Variants in SLC35F4 observed in about 807,000 individuals in gnomAD.
The protein encoded by SLC35F4 is chromosome 14 open reading frame 36.
Under a neutral mutation model 44.2 loss-of-function variants are expected in SLC35F4, and 24 were observed. The ratio of observed to expected loss-of-function variants is 0.54; its 90% CI spans 0.39 to 0.76. The LOEUF is 0.76. Ranked by LOEUF, SLC35F4 falls within the 30% of genes least tolerant of loss-of-function variation. The probability of loss-of-function intolerance (pLI) is 0.00; values close to 1 mark genes in which losing one functional copy is unlikely to be tolerated. For missense variants in SLC35F4, 562 were observed against 586.1 expected (o/e 0.96, Z 0.42); for synonymous variants, 238 against 223.6 (o/e 1.06, Z -0.57).
At chr14:57,665,683 T>C (rs2074283934) in intron 1 of SLC35F4, among the ~76,000 whole-genome samples, 2 of 152,216 alleles carry the variant, frequency 1.3e-5, no homozygotes, top group African/African-American at 2.4e-5. Context: ...TGCAGATATA[T>C]GTTCATTGCA....
intron 1 of SLC35F4, among the ~76,000 whole-genome samples, chr14:57,767,352 A>G (rs1216772820): frequency 6.6e-6 from 1 of 152,226 alleles, no homozygotes; most frequent in Non-Finnish European, 1.5e-5. Flanking sequence ...TAAAGAATTA[A>G]AATCATACAA....
At chr14:57,747,681 G>GA (rs1378109908) in intron 1 of SLC35F4, among the ~76,000 whole-genome samples, 4 of 152,086 alleles carry the variant, frequency 2.6e-5, no homozygotes, top group African/African-American at 9.7e-5. Context: ...TAAAAGATTA[G>GA]AATTCTATTC....
intron 1 of SLC35F4, among the ~76,000 whole-genome samples, chr14:57,760,550 T>C (rs2140622077): frequency 6.6e-6 from 1 of 152,356 alleles, no homozygotes; most frequent in South Asian, 2.1e-4. Flanking sequence ...TATTGTGTGC[T>C]GGATATTTTT....
intron 1 of SLC35F4, among the ~76,000 whole-genome samples, chr14:57,677,464 A>C (rs1359512338): frequency 6.6e-6 from 1 of 152,068 alleles, no homozygotes; most frequent in Non-Finnish European, 1.5e-5. Context: ...TGCATAAAGC[A>C]AGTATAGTAA....
chr14:57,877,367 T>C (rs1888419620), intron 1 of SLC35F4, among the ~76,000 whole-genome samples: 1 of 152,242 alleles, frequency 6.6e-6, no homozygotes, highest in Admixed American at 6.5e-5. Flanking sequence ...CATTCCATGA[T>C]ACATGTGTAC....
chr14:57,970,544 A>G lies in SLC35F4; in HGVS notation n.282+11369T>C, dbSNP rs1247108079. On this transcript the variant is annotated intron_variant and non_coding_transcript_variant, in intron 1 of 1. Coordinates refer to the SLC35F4 transcript ENST00000556568. ...GTTATGAATGAAGTAGAACTCATTC[A>G]TAACAGAAAACAGTTTATGAATCAA... is the stretch of plus-strand genomic sequence containing the variant. 2.6e-5 allele frequency among the ~76,000 whole-genome samples: 4 copies of G among 152,352 alleles called. No homozygotes were observed. The East Asian group carries it at 7.7e-4, about 29-fold the overall frequency.
intron 1 of SLC35F4, among the ~76,000 whole-genome samples, chr14:57,863,966 G>A (rs748341636): frequency 7.9e-5 from 12 of 152,102 alleles, no homozygotes; most frequent in Non-Finnish European, 1.6e-4. Context: ...TTATTGTGTT[G>A]CAAATGAAGC....
At chr14:57,725,943 G>A (rs2347353) in intron 1 of SLC35F4, among the ~76,000 whole-genome samples, 60,038 of 151,942 alleles carry the variant, frequency 0.4, 11,892 homozygotes, top group Middle Eastern at 0.42. Context: ...TGGCCTAGAT[G>A]TCTTACTTCC....
At position 57,571,997 on chromosome 14, in the gene SLC35F4, A is replaced by C; in HGVS notation, c.830T>G (p.Ile277Ser). 6.2e-7 allele frequency: 1 copy of C among 1,610,698 alleles called. No individual in the cohort carries two copies. The highest frequency in any genetic ancestry group is 8.5e-7 in the Non-Finnish European group (1 of 1,178,302). Residue 277 changes from isoleucine to serine, a missense_variant, in exon 5 of 8, where the codon ATT (isoleucine) becomes AGT (serine). Coordinates refer to ENST00000556826, the MANE Select transcript of SLC35F4 (RefSeq NM_001306087.2). ...GVRIVAAIMA[I>S]TGIVMMAYAD... Reference sequence around the variant, plus strand: ...ATATGCCATCATGACAATGCCGGTAATTGCCATTATTGCAGCAACTATCTG... The same window carrying C: ...ATATGCCATCATGACAATGCCGGTACTTGCCATTATTGCAGCAACTATCTG...
chr14:57,733,702 C>G (rs752042592), intron 1 of SLC35F4, among the ~76,000 whole-genome samples: 15 of 151,860 alleles, frequency 9.9e-5, no homozygotes, highest in Non-Finnish European at 1.6e-4. Flanking sequence ...TGGAAAATTT[C>G]AAACCTACGC....
chr14:57,967,549 CTG>C (rs33951063), intron 1 of SLC35F4, among the ~76,000 whole-genome samples: 3,624 of 152,216 alleles, frequency 0.024, 149 homozygotes, highest in African/African-American at 0.083. Flanking sequence ...ATAGTAGTAA[CTG>C]TGTGCCAAAT....
chr14:57,772,077 A>AT (rs1429344767), intron 1 of SLC35F4, among the ~76,000 whole-genome samples: 13 of 152,210 alleles, frequency 8.5e-5, no homozygotes, highest in African/African-American at 3.1e-4. Context: ...ATAGGAAAAC[A>AT]TATCTGTGAA....
At chr14:57,814,037 C>A (rs1882283664) in intron 1 of SLC35F4, among the ~76,000 whole-genome samples, 2 of 152,146 alleles carry the variant, frequency 1.3e-5, no homozygotes, top group Admixed American at 1.3e-4. Flanking sequence ...TCAGTCCTGG[C>A]CTGAAAAAGC....
At chr14:57,684,887 A>T (rs1044675217) in intron 1 of SLC35F4, among the ~76,000 whole-genome samples, 1 of 152,088 alleles carries the variant, frequency 6.6e-6, no homozygotes, top group Non-Finnish European at 1.5e-5. Flanking sequence ...GTTGGTAGGT[A>T]GATTGTGTAG....
intron 1 of SLC35F4, among the ~76,000 whole-genome samples, chr14:57,612,949 G>T (rs562571432): frequency 6.6e-6 from 1 of 152,328 alleles, no homozygotes. Context: ...GATGCATCAA[G>T]AGCTGCCTCA....
At chr14:57,640,066 T>C (rs1005865773) in intron 1 of SLC35F4, among the ~76,000 whole-genome samples, 1 of 152,000 alleles carries the variant, frequency 6.6e-6, no homozygotes, top group African/African-American at 2.4e-5. Flanking sequence ...TCACAACTTA[T>C]ATCCTATAAT....
chr14:57,682,199 T>C (rs2074927423), intron 1 of SLC35F4, among the ~76,000 whole-genome samples: 1 of 152,190 alleles, frequency 6.6e-6, no homozygotes, highest in Admixed American at 6.5e-5. Flanking sequence ...TGAACACGTA[T>C]GTTTATTGTG....
intron 1 of SLC35F4, among the ~76,000 whole-genome samples, chr14:57,672,809 A>C (rs1237857453): frequency 6.6e-6 from 1 of 151,872 alleles, no homozygotes. Context: ...TTAGAATAAC[A>C]AAGTTGAGTT....
intron 2 of SLC35F4, among the ~76,000 whole-genome samples, chr14:57,592,213 C>T (rs374154133): frequency 2.0e-5 from 3 of 152,342 alleles, no homozygotes; most frequent in East Asian, 3.9e-4. Context: ...AATTTGGAAA[C>T]GTGAATTTAA....
Sources: gnomAD v4.1 joint callset for allele counts (sites outside exome capture counted in the v4.1 genomes callset) on GRCh38, gnomAD v4.1.1 for gene constraint, MANE v1.5 for transcripts, NCBI Gene and HGNC (gene_info 2026-07-23, HGNC 2026-07-21) for gene names.